Variants in HEMGN observed in about 807,000 individuals in gnomAD.
The protein encoded by HEMGN is hemogen.
In HEMGN, 32 loss-of-function variants were observed where a neutral mutation model predicts 45.7. The ratio of observed to expected loss-of-function variants is 0.70; its 90% CI spans 0.53 to 0.94. The LOEUF is 0.94. Ranked by LOEUF, HEMGN falls within the 40% of genes least tolerant of loss-of-function variation. The pLI, the probability that HEMGN is intolerant of heterozygous loss-of-function variation, is 0.00. For synonymous variants in HEMGN, 183 were observed against 178.6 expected, an observed-to-expected ratio of 1.02 and a Z score of -0.20; for missense variants, 530 against 564.2, an observed-to-expected ratio of 0.94 and a Z score of 0.61.
At position 97,936,079 on chromosome 9, in the gene HEMGN, T is replaced by A. The variant is rs78165469; in HGVS notation, c.173+92A>T. The A allele has an allele frequency of 3.5e-6, 3 of 854,662 alleles. No homozygotes were observed. In the Admixed American group the frequency reaches 5.8e-5, roughly 16 times the overall value. 52.9% of individuals were successfully genotyped at this position (854,662 alleles called of 1,614,324 possible). A position where few individuals can be genotyped will look rare whatever the true frequency, so the allele number is the denominator to read the frequency against. ...CTGATTTACAGGATTGTTGGAAAGATAAAATACAGTGTGTAAAGTGCACAG... is the reference window on the plus strand; with the variant it reads ...CTGATTTACAGGATTGTTGGAAAGAAAAAATACAGTGTGTAAAGTGCACAG... On this transcript the variant is annotated intron_variant, in intron 2 of 3. Coordinates refer to ENST00000616898, the MANE Select transcript of HEMGN (RefSeq NM_197978.3).
In HEMGN at chr9:97,930,348, A is replaced by G. The variant is rs138098420; in HGVS notation, c.1047T>C (p.Ser349=). 1.2e-6 allele frequency: 2 copies of G among 1,613,562 alleles called. No individual in the cohort carries two copies. Among genetic ancestry groups the G allele is most frequent in the African/African-American group, 2.7e-5 (2 of 74,804 alleles). The change falls in exon 3 of 4, where the codon TCT becomes TCC. Residue 349 remains serine (S), a synonymous_variant. Coordinates refer to ENST00000616898, the MANE Select transcript of HEMGN (RefSeq NM_197978.3). ...SHKTIQETPH[S]EDYSIEINQE... Reference sequence around the variant, plus strand: ...GGTTTATTTCAATTGAATAGTCTTCAGAATGAGGTGTTTCTTGGATTGTTT... The same window carrying G: ...GGTTTATTTCAATTGAATAGTCTTCGGAATGAGGTGTTTCTTGGATTGTTT...
chr9:97,928,381 T>G (rs1826873812), intron 3 of HEMGN, among the ~76,000 whole-genome samples: 1 of 152,196 alleles, frequency 6.6e-6, no homozygotes, highest in African/African-American at 2.4e-5. Context: ...AATGTCATAA[T>G]GTACAGTGCT....
upstream of HEMGN, among the ~76,000 whole-genome samples, chr9:97,940,753 G>C (rs1018891459): frequency 3.3e-5 from 5 of 152,194 alleles, no homozygotes; most frequent in Admixed American, 3.3e-4. Context: ...CCCTTAGAGA[G>C]CAGATACAGC....
chr9:97,932,219 T>A (rs953573276), intron 2 of HEMGN, among the ~76,000 whole-genome samples: 1 of 152,202 alleles, frequency 6.6e-6, no homozygotes, highest in African/African-American at 2.4e-5. Flanking sequence ...TGTATTTCTT[T>A]TAGTAAACAT....
At chr9:97,928,287 A>G (rs1307559453) in intron 3 of HEMGN, among the ~76,000 whole-genome samples, 8 of 152,096 alleles carry the variant, frequency 5.3e-5, no homozygotes, top group Non-Finnish European at 1.0e-4. Flanking sequence ...CGGCCTCCCA[A>G]CGTGCTGGGA....
Position 97,930,737 on chromosome 9 carries a change from G to C in HEMGN, c.658C>G (p.Gln220Glu). Residue 220 changes from glutamine to glutamate, a missense_variant, in exon 3 of 4, where the codon CAA (glutamine) becomes GAA (glutamate). By Grantham distance (29) the Gln-to-Glu change is conservative. Coordinates refer to ENST00000616898, the MANE Select transcript of HEMGN (RefSeq NM_197978.3). ...VIQDHPFKMYQDMAKREDLAP... is the reference protein window; with the variant it reads ...VIQDHPFKMYEDMAKREDLAP... ...AGATCTTCTCGTTTAGCCATATCTT[G>C]GTACATTTTGAAAGGATGGTCTTGA... 2 of 1,614,094 alleles carry C rather than the reference G, an allele frequency of 1.2e-6. No homozygotes were observed. Among genetic ancestry groups the C allele is most frequent in the African/African-American group, 1.3e-5 (1 of 75,016 alleles).
chr9:97,930,661 G>A lies in HEMGN; in HGVS notation c.734C>T (p.Pro245Leu). The change falls in exon 3 of 4, where the codon CCA becomes CTA. Residue 245 changes from proline to leucine, a missense_variant. Transcript: ENST00000616898. ...CAGATCAGCTGTGTCTTCAGATGTT[G>A]GACAAGGAAGGATTTTGGGTACAGC... ...EAAVPKILPC[P>L]TSEDTADLAG... 6.2e-7 allele frequency: 1 copy of A among 1,614,124 alleles called. No individual in the cohort carries two copies. The highest frequency in any genetic ancestry group is 8.5e-7 in the Non-Finnish European group (1 of 1,180,000).
intron 3 of HEMGN, 75 bp downstream of exon 3, chr9:97,929,960 A>C: frequency 9.4e-7 from 1 of 1,069,172 alleles, no homozygotes; most frequent in Non-Finnish European, 1.4e-6. Context: ...GGGAATACCC[A>C]GGATTGTCAG....
At chr9:97,942,289 T>C (rs921357805), upstream of HEMGN, among the ~76,000 whole-genome samples, 2 of 149,344 alleles carry the variant, frequency 1.3e-5, no homozygotes, top group African/African-American at 2.5e-5. Flanking sequence ...TTTTTTTTTT[T>C]TTTTTGTTTT....
intron 2 of HEMGN, among the ~76,000 whole-genome samples, chr9:97,933,746 C>T (rs1827000825): frequency 6.6e-6 from 1 of 152,158 alleles, no homozygotes; most frequent in Non-Finnish European, 1.5e-5. Context: ...CACTCTGCTG[C>T]CTCTCTCTGA....
upstream of HEMGN, among the ~76,000 whole-genome samples, chr9:97,940,818 T>C (rs1827141707): frequency 6.6e-6 from 1 of 152,088 alleles, no homozygotes; most frequent in Non-Finnish European, 1.5e-5. Context: ...CTTGGCTCAC[T>C]GTAGTCCCCA....
upstream of HEMGN, among the ~76,000 whole-genome samples, chr9:97,940,815 C>T (rs1241008805): frequency 6.6e-6 from 1 of 152,040 alleles, no homozygotes; most frequent in Non-Finnish European, 1.5e-5. Flanking sequence ...AGGCTTGGCT[C>T]ACTGTAGTCC....
intron 3 of HEMGN, among the ~76,000 whole-genome samples, chr9:97,929,396 G>A (rs916643017): frequency 6.6e-6 from 1 of 152,206 alleles, no homozygotes; most frequent in Non-Finnish European, 1.5e-5. Flanking sequence ...GATAGACTCA[G>A]TCCATTTCTT....
chr9:97,931,817 C>G (rs1826959471), intron 2 of HEMGN, among the ~76,000 whole-genome samples: 1 of 152,148 alleles, frequency 6.6e-6, no homozygotes, highest in South Asian at 2.1e-4. Context: ...AAAAGCACTT[C>G]TTGAAGTTAA....
chr9:97,935,475 C>A (rs943071554), intron 2 of HEMGN, among the ~76,000 whole-genome samples: 1 of 152,120 alleles, frequency 6.6e-6, no homozygotes, highest in Admixed American at 6.5e-5. Context: ...AAGCCAGCCC[C>A]CCACACAACA....
At chr9:97,943,518 A>AT (rs1827181041) in intron 1 of HEMGN, among the ~76,000 whole-genome samples, 2 of 152,206 alleles carry the variant, frequency 1.3e-5, no homozygotes, top group Admixed American at 6.5e-5. Flanking sequence ...ATGTTCTATA[A>AT]CTTAGAATGG....
intron 1 of HEMGN, among the ~76,000 whole-genome samples, chr9:97,936,822 A>G (rs772736564): frequency 2.9e-4 from 44 of 152,346 alleles, no homozygotes; most frequent in African/African-American, 7.7e-4. Flanking sequence ...GATTGTTGCT[A>G]GTTATCTTTG....
chr9:97,943,711 T>A (rs1827183468), intron 1 of HEMGN, among the ~76,000 whole-genome samples: 1 of 152,178 alleles, frequency 6.6e-6, no homozygotes, highest in African/African-American at 2.4e-5. Context: ...TCCTTTCATT[T>A]CTGAACTTCT....
At chr9:97,944,275 C>G (rs918846437) in intron 1 of HEMGN, among the ~76,000 whole-genome samples, 5 of 152,312 alleles carry the variant, frequency 3.3e-5, no homozygotes, top group African/African-American at 1.2e-4. Context: ...TATGTTCCCC[C>G]CTAAAACTAG....
Sources: allele counts gnomAD v4.1 joint callset (sites outside exome capture counted in the v4.1 genomes callset), GRCh38; gene constraint gnomAD v4.1.1; transcripts MANE v1.5; gene names NCBI Gene and HGNC (gene_info 2026-07-23, HGNC 2026-07-21).